The following ADGRF4 variants were observed in gnomAD, a reference collection of about 807,000 sequenced individuals.
ADGRF4 encodes the protein adhesion G protein-coupled receptor F4.
Under a neutral mutation model 58.5 loss-of-function variants are expected in ADGRF4, and 63 were observed. That is an observed-to-expected ratio of 1.08 (90% CI 0.88 to 1.33). ADGRF4 has a LOEUF of 1.33. Ranked by LOEUF, ADGRF4 falls within the 40% of genes most tolerant of loss-of-function variation. The probability of loss-of-function intolerance (pLI) is 0.00; values close to 1 mark genes in which losing one functional copy is unlikely to be tolerated. For missense variants in ADGRF4, 931 were observed against 843.9 expected (o/e 1.10, Z -1.28); for synonymous variants, 313 against 295.4 (o/e 1.06, Z -0.61).
At chr6:47,713,231 A>C (rs1316161547) in intron 5 of ADGRF4, among the ~76,000 whole-genome samples, 2 of 151,804 alleles carry the variant, frequency 1.3e-5, no homozygotes, top group African/African-American at 4.8e-5. Flanking sequence ...CCCGGTGCCA[A>C]AAAGGTTGAG....
chr6:47,718,609 C>T (rs1772088148), intron 9 of ADGRF4, among the ~76,000 whole-genome samples, 164 bp downstream of exon 9: 1 of 152,066 alleles, frequency 6.6e-6, no homozygotes, highest in Admixed American at 6.6e-5. Context: ...TTGTCTAGCA[C>T]ATAAATGAAA....
chr6:47,706,555 G>T, intron 1 of ADGRF4, among the ~76,000 whole-genome samples: 1 of 152,188 alleles, frequency 6.6e-6, no homozygotes, highest in East Asian at 1.9e-4. Flanking sequence ...AATTGAGGGC[G>T]GGTAGTGAGT....
In ADGRF4 at chr6:47,713,948, G is replaced by A. The variant is rs1477987481; in HGVS notation, c.703G>A (p.Val235Met). 6.2e-7 allele frequency: 1 copy of A among 1,608,494 alleles called. No homozygotes were observed. Among genetic ancestry groups the A allele is most frequent in the Non-Finnish European group, 8.5e-7 (1 of 1,177,320 alleles). ...LHIHNNSENI[V>M]NELFIQTKGF... ...CATCCACAATAATTCTGAGAACATT[G>A]TGAATGAACTCTTCATTCAGACAAA... The change falls in exon 6 of 10, where the codon GTG becomes ATG. Residue 235 changes from valine to methionine, a missense_variant. Transcript: ENST00000283303.
At chr6:47,704,419 G>A (rs1401525601) in intron 1 of ADGRF4, among the ~76,000 whole-genome samples, 1 of 152,150 alleles carries the variant, frequency 6.6e-6, no homozygotes, top group Admixed American at 6.5e-5. Flanking sequence ...AATGTGGAGA[G>A]GAATTGGGTT....
At chr6:47,699,086 A>C (rs575113458) in intron 1 of ADGRF4, among the ~76,000 whole-genome samples, 1 of 152,172 alleles carries the variant, frequency 6.6e-6, no homozygotes, top group Non-Finnish European at 1.5e-5. Flanking sequence ...CTGTCCCTGC[A>C]TTGTCCCCTT....
At position 47,713,825 on chromosome 6, in the gene ADGRF4, C is replaced by T. The variant is rs1771930224; in HGVS notation, c.580C>T (p.Leu194Phe). ...KSYSEVANHI[L>F]DTAAISNWAF... ...CTATAGTGAAGTGGCCAACCACATC[C>T]TCGACACAGCAGCCATTTCAAACTG... Residue 194 changes from leucine (L) to phenylalanine (F), a missense_variant, in exon 6 of 10, where the codon CTC becomes TTC. By Grantham distance (22) the Leu-to-Phe change is conservative. Coordinates refer to ENST00000283303, the MANE Select transcript of ADGRF4 (RefSeq NM_153838.5). 1 of 1,569,240 alleles carries T rather than the reference C, an allele frequency of 6.4e-7. No individual in the cohort carries two copies. The highest frequency in any genetic ancestry group is 1.9e-5 in the Admixed American group (1 of 54,040).
chr6:47,714,069 T>C lies in ADGRF4; in HGVS notation c.824T>C (p.Ile275Thr). The change falls in exon 6 of 10, where the codon ATT becomes ACT. Residue 275 changes from isoleucine (I) to threonine (T), a missense_variant. By Grantham distance (89) the Ile-to-Thr change is moderately conservative (BLOSUM62 -1). Coordinates refer to ENST00000283303, the MANE Select transcript of ADGRF4 (RefSeq NM_153838.5). Reference sequence around the variant, plus strand: ...GAAGATATCTTAGGAATGGTACAGATTCCCAGGCAAGAGCTAAGGAAGCTG... The same window carrying C: ...GAAGATATCTTAGGAATGGTACAGACTCCCAGGCAAGAGCTAAGGAAGCTG... ...TTEDILGMVQ[I>T]PRQELRKLWP... 1 of 1,614,032 alleles carries C rather than the reference T, an allele frequency of 6.2e-7. No individual in the cohort carries two copies. Among genetic ancestry groups the C allele is most frequent in the Non-Finnish European group, 8.5e-7 (1 of 1,180,004 alleles).
intron 4 of ADGRF4, among the ~76,000 whole-genome samples, chr6:47,711,249 C>A (rs572211122): frequency 6.6e-6 from 1 of 152,134 alleles, no homozygotes; most frequent in East Asian, 1.9e-4. Context: ...TATCTAGGAT[C>A]AAATTTATTT....
intron 9 of ADGRF4, among the ~76,000 whole-genome samples, chr6:47,719,519 G>A (rs1289207004): frequency 6.6e-6 from 1 of 152,106 alleles, no homozygotes; most frequent in Non-Finnish European, 1.5e-5. Context: ...TCGCTATAAC[G>A]TTTCTTAATT....
At chr6:47,712,844 A>G (rs1360788751) in intron 5 of ADGRF4, among the ~76,000 whole-genome samples, 3 of 152,172 alleles carry the variant, frequency 2.0e-5, no homozygotes, top group African/African-American at 7.2e-5. Flanking sequence ...AATATCACAT[A>G]GTGTAGTGAT....
intron 9 of ADGRF4, among the ~76,000 whole-genome samples, chr6:47,720,213 G>C (rs537676817): frequency 1.6e-4 from 25 of 152,062 alleles, no homozygotes; most frequent in African/African-American, 5.8e-4. Context: ...GCGGAGACAG[G>C]GGCCCCACAC....
In ADGRF4 at chr6:47,710,883, T is replaced by C. The variant is rs1360313286; in HGVS notation, c.297T>C (p.Phe99=). The C allele has an allele frequency of 6.2e-7, 1 of 1,609,612 alleles. No individual in the cohort carries two copies. Among genetic ancestry groups the C allele is most frequent in the African/African-American group, 1.3e-5 (1 of 74,740 alleles). The change falls in exon 4 of 10, where the codon TTT becomes TTC. Residue 99 remains phenylalanine, a synonymous_variant. Transcript: ENST00000283303. ...CAAGCCTTTCTGTGGAAAAACTCTTTAAGGTGATGCATTCACAAATTATTG... is the reference window on the plus strand; with the variant it reads ...CAAGCCTTTCTGTGGAAAAACTCTTCAAGGTGATGCATTCACAAATTATTG... ...TCTSLSVEKL[F]KDSTGASRLS...
chr6:47,708,335 G>A (rs1225672419), intron 3 of ADGRF4, 57 bp downstream of exon 3: 3 of 1,348,144 alleles, frequency 2.2e-6, no homozygotes, highest in African/African-American at 1.4e-5. Context: ...ATAAAGGAAG[G>A]GCACTGATGT....
chr6:47,706,339 G>A (rs1203967490), intron 1 of ADGRF4, among the ~76,000 whole-genome samples: 1 of 152,174 alleles, frequency 6.6e-6, no homozygotes, highest in African/African-American at 2.4e-5. Context: ...AGAATAGAGA[G>A]TTATCTTCCT....
chr6:47,712,626 T>C lies in ADGRF4; in HGVS notation c.552+18T>C, dbSNP rs1489545154. 30 of 1,549,812 alleles carry C rather than the reference T, an allele frequency of 1.9e-5. No individual in the cohort carries two copies. The highest frequency in any genetic ancestry group is 2.5e-5 in the Non-Finnish European group (28 of 1,127,122). On this transcript the variant is annotated intron_variant, in intron 5 of 9. Transcript: ENST00000283303. ...AAATGAAGGTATTCTTTGTTAATCA[T>C]TTAAAAATGATGTTTTTCTTAAAAT...
intron 5 of ADGRF4, 112 bp from the exon 6 acceptor site, chr6:47,713,686 T>C (rs1340679019): frequency 1.2e-6 from 1 of 800,670 alleles, no homozygotes; most frequent in Admixed American, 3.2e-5. Flanking sequence ...TGAAGAGAAA[T>C]ATGCCAAATA....
chr6:47,713,833 A>G lies in ADGRF4; in HGVS notation c.588A>G (p.Thr196=). The G allele has an allele frequency of 6.3e-7, 1 of 1,580,892 alleles. No individual in the cohort carries two copies. Among genetic ancestry groups the G allele is most frequent in the Non-Finnish European group, 8.6e-7 (1 of 1,164,282 alleles). The stretch of plus-strand genomic sequence containing the variant: ...AAGTGGCCAACCACATCCTCGACAC[A>G]GCAGCCATTTCAAACTGGGCTTTCA... ...YSEVANHILD[T]AAISNWAFIP... Residue 196 remains threonine (T), a synonymous_variant, in exon 6 of 10, where the codon ACA becomes ACG. Coordinates refer to ENST00000283303, the MANE Select transcript of ADGRF4 (RefSeq NM_153838.5).
intron 3 of ADGRF4, among the ~76,000 whole-genome samples, chr6:47,708,798 CTG>C (rs1456205675): frequency 1.3e-5 from 2 of 152,158 alleles, no homozygotes; most frequent in African/African-American, 4.8e-5. Context: ...TAGGGAATAA[CTG>C]GATTCTGCAC....
intron 9 of ADGRF4, among the ~76,000 whole-genome samples, chr6:47,720,436 G>A (rs1309502159): frequency 6.6e-6 from 1 of 152,158 alleles, no homozygotes; most frequent in Non-Finnish European, 1.5e-5. Context: ...GGAGAATTGA[G>A]GCTTCCAGTG....
Sources: allele counts gnomAD v4.1 joint callset (sites outside exome capture counted in the v4.1 genomes callset), GRCh38; gene constraint gnomAD v4.1.1; transcripts MANE v1.5; gene names NCBI Gene and HGNC (gene_info 2026-07-23, HGNC 2026-07-21).